PTPRN2: variants seen among roughly 807,000 people sequenced by gnomAD.
The protein encoded by PTPRN2 is receptor-type tyrosine-protein phosphatase N2.
PTPRN2 carries 74 observed loss-of-function variants against 118.8 expected under a neutral mutation model. That is an observed-to-expected ratio of 0.62 (90% confidence interval 0.52 to 0.76). The LOEUF is 0.76. PTPRN2 is among the 30% of genes least tolerant of loss of function. The pLI, the probability that PTPRN2 is intolerant of heterozygous loss-of-function variation, is 0.00. For missense variants in PTPRN2, 1,481 were observed against 1,394.4 expected, an observed-to-expected ratio of 1.06 and a Z score of -0.99; for synonymous variants, 641 against 608.0, an observed-to-expected ratio of 1.05 and a Z score of -0.80.
chr7:158,150,161 C>G (rs1462042914), intron 6 of PTPRN2, among the ~76,000 whole-genome samples: 2 of 152,192 alleles, frequency 1.3e-5, no homozygotes, highest in Admixed American at 1.3e-4. Context: ...CCTGCAGGCT[C>G]CTGTTGCCTC....
intron 9 of PTPRN2, among the ~76,000 whole-genome samples, chr7:158,114,052 C>G (rs1055594598): frequency 6.6e-6 from 1 of 152,228 alleles, no homozygotes; most frequent in Non-Finnish European, 1.5e-5. Flanking sequence ...GAGCCCAGGA[C>G]AGTGTATTTA....
intron 1 of PTPRN2, among the ~76,000 whole-genome samples, chr7:158,497,993 G>C (rs1053438025): frequency 6.6e-6 from 1 of 152,280 alleles, no homozygotes; most frequent in African/African-American, 2.4e-5. Flanking sequence ...GATCCTTGGG[G>C]CTCAGGCCCC....
At chr7:158,443,378 C>G (rs1817495140) in intron 2 of PTPRN2, among the ~76,000 whole-genome samples, 1 of 152,252 alleles carries the variant, frequency 6.6e-6, no homozygotes. Context: ...AGCAGACAAA[C>G]TTGACTTCTG....
At chr7:157,570,074 G>A (rs1799681429) in intron 20 of PTPRN2, among the ~76,000 whole-genome samples, 2 of 152,254 alleles carry the variant, frequency 1.3e-5, no homozygotes, top group Admixed American at 1.3e-4. Flanking sequence ...AAAAGCTGCA[G>A]TTGGGATGGT....
In PTPRN2 at chr7:157,648,476, C is replaced by T. The variant is rs868829344; in HGVS notation, c.2196+7881G>A. On this transcript the variant is annotated intron_variant, in intron 14 of 22. Transcript: ENST00000389418. Reference sequence around the variant, plus strand: ...AACTCGGTGGGTCGGACCCATCCAGCGTGCACTGAACTCGGTGGGTCGGAC... The same window carrying T: ...AACTCGGTGGGTCGGACCCATCCAGTGTGCACTGAACTCGGTGGGTCGGAC... 9.6e-4 allele frequency among the ~76,000 whole-genome samples: 48 copies of T among 50,176 alleles called. No individual in the cohort carries two copies. In the South Asian group the frequency reaches 0.016, roughly 17 times the overall value. 32.9% of individuals were successfully genotyped at this position (50,176 alleles called of 152,430 possible).
At chr7:158,125,957 G>A (rs960810897) in intron 9 of PTPRN2, among the ~76,000 whole-genome samples, 1 of 152,176 alleles carries the variant, frequency 6.6e-6, no homozygotes, top group African/African-American at 2.4e-5. Context: ...CTCCTGAGCG[G>A]TGAGGCCTCC....
At chr7:157,791,208 T>C (rs1804469061) in intron 12 of PTPRN2, among the ~76,000 whole-genome samples, 1 of 152,216 alleles carries the variant, frequency 6.6e-6, no homozygotes, top group African/African-American at 2.4e-5. Flanking sequence ...TTTATGTGAC[T>C]AAGAAGAATG....
At chr7:157,621,624 C>T (rs538971235) in intron 14 of PTPRN2, 115 bp from the exon 15 acceptor site, 7 of 1,366,094 alleles carry the variant, frequency 5.1e-6, no homozygotes, top group Middle Eastern at 1.8e-4. Context: ...CCACCTTGCT[C>T]ACGAGCCTGG....
chr7:157,999,753 C>T (rs1805072047), intron 11 of PTPRN2, among the ~76,000 whole-genome samples: 2 of 152,198 alleles, frequency 1.3e-5, no homozygotes, highest in Admixed American at 6.5e-5. Context: ...GACTTCACTG[C>T]ACTTTATTAA....
In PTPRN2 at chr7:157,729,360, G is replaced by A. The variant is rs1378270637; in HGVS notation, c.1789-46423C>T. 6.6e-6 allele frequency among the ~76,000 whole-genome samples: 1 copy of A among 152,128 alleles called. No homozygotes were observed. Among genetic ancestry groups the A allele is most frequent in the Non-Finnish European group, 1.5e-5 (1 of 68,018 alleles). ...GCGGTGGCTGGAACCCTGGGCTCTG[G>A]AGGGCTGGATGCCTTCAGGTCCCGG... On this transcript the variant is annotated intron_variant, in intron 12 of 22. Coordinates refer to ENST00000389418, the MANE Select transcript of PTPRN2 (RefSeq NM_002847.5). The surrounding 1 kb of genome is among the most constrained non-coding windows in gnomAD (Gnocchi z 4.3).
intron 1 of PTPRN2, among the ~76,000 whole-genome samples, chr7:158,490,034 G>A (rs940801481): frequency 3.3e-5 from 5 of 152,320 alleles, no homozygotes; most frequent in African/African-American, 9.6e-5. Context: ...CCACAGCTCT[G>A]GGCTGAGGGT....
chr7:157,684,387 G>GA (rs1245169841), intron 12 of PTPRN2, among the ~76,000 whole-genome samples: 1 of 142,270 alleles, frequency 7.0e-6, no homozygotes, highest in Admixed American at 6.9e-5. Context: ...AAGGGGGAGG[G>GA]AGAGGGAAAG....
At chr7:157,594,415 G>A (rs1384717329) in intron 17 of PTPRN2, among the ~76,000 whole-genome samples, 2 of 139,234 alleles carry the variant, frequency 1.4e-5, no homozygotes, top group Non-Finnish European at 3.1e-5. Context: ...CAGGAGGCCC[G>A]GGCTGTGGAT....
intron 1 of PTPRN2, among the ~76,000 whole-genome samples, chr7:158,527,389 G>A (rs965645329): frequency 2.0e-5 from 3 of 152,328 alleles, no homozygotes; most frequent in Admixed American, 1.3e-4. Flanking sequence ...CCAGTCCTTG[G>A]ACGTGCTAAA....
chr7:158,321,257 G>A (rs1324472228), intron 2 of PTPRN2, among the ~76,000 whole-genome samples: 10 of 152,180 alleles, frequency 6.6e-5, no homozygotes, highest in East Asian at 5.8e-4. Flanking sequence ...CCTCACCGCC[G>A]ACCATTTAAT....
At chr7:158,064,911 A>G (rs935704284) in intron 11 of PTPRN2, among the ~76,000 whole-genome samples, 1 of 152,170 alleles carries the variant, frequency 6.6e-6, no homozygotes, top group East Asian at 1.9e-4. Context: ...AATTTTATGG[A>G]TGATGGATGC....
intron 2 of PTPRN2, among the ~76,000 whole-genome samples, chr7:158,341,615 ACT>A (rs1806821342): frequency 1.1e-5 from 1 of 89,440 alleles, no homozygotes; most frequent in Non-Finnish European, 2.2e-5. Flanking sequence ...TCACACCCAC[ACT>A]CTCACCATAA....
intron 12 of PTPRN2, among the ~76,000 whole-genome samples, chr7:157,800,306 A>G (rs1441713592): frequency 1.3e-5 from 2 of 152,038 alleles, no homozygotes; most frequent in Non-Finnish European, 2.9e-5. Flanking sequence ...ACCTTCCATC[A>G]CTGTGCCCTC....
Position 157,798,666 on chromosome 7 carries a change from C to T in PTPRN2, c.1788+100007G>A, listed in dbSNP as rs76322874. Among the ~76,000 whole-genome samples, 283 of 152,284 alleles carry T rather than the reference C, an allele frequency of 1.9e-3. 1 individual carries two copies. The highest frequency in any genetic ancestry group is 5.8e-3 in the African/African-American group (240 of 41,552). On this transcript the variant is annotated intron_variant, in intron 12 of 22. Coordinates refer to ENST00000389418, the MANE Select transcript of PTPRN2 (RefSeq NM_002847.5). The stretch of plus-strand genomic sequence containing the variant: ...TTCATCTTAATAATTCTCCTGAGAG[C>T]GATATTTACACCCTATAATTAGAAC...
Sources: allele counts gnomAD v4.1 joint callset (sites outside exome capture counted in the v4.1 genomes callset), GRCh38; gene constraint gnomAD v4.1.1; non-coding constraint Gnocchi (gnomAD v3.1); transcripts MANE v1.5; gene names NCBI Gene and HGNC (gene_info 2026-07-23, HGNC 2026-07-21).